Variants in UTY observed in about 807,000 individuals in gnomAD.
UTY encodes ubiquitously transcribed tetratricopeptide repeat containing, Y-linked, also known as histone demethylase UTY.
UTY carries 12 observed loss-of-function variants against 32.5 expected under a neutral mutation model. The ratio of observed to expected loss-of-function variants is 0.37; its 90% CI spans 0.24 to 0.60. The LOEUF (loss-of-function observed/expected upper bound fraction) is 0.60, where lower values mean the gene tolerates loss of function less well. Among genes scored for constraint, UTY ranks in the 20% least tolerant of loss-of-function variants. UTY has a pLI of 0.69. For synonymous variants in UTY, 131 were observed against 103.4 expected (o/e 1.27, Z -1.62); for missense variants, 303 against 299.2 (o/e 1.01, Z -0.09).
chrY:13,443,815 A>T (rs2075428164), intron 4 of UTY, among the ~76,000 whole-genome samples: 2 of 34,111 alleles, frequency 5.9e-5, no homozygotes, highest in African/African-American at 1.1e-4. Context: ...GCACCTCAAG[A>T]AACTAGAAAA....
intron 18 of UTY, among the ~76,000 whole-genome samples, chrY:13,328,692 G>T: frequency 6.2e-5 from 2 of 32,301 alleles, no homozygotes; most frequent in Admixed American, 2.8e-4. Flanking sequence ...ACCTTCACTA[G>T]CAAATTGGAA....
intron 27 of UTY, among the ~76,000 whole-genome samples, chrY:13,295,016 C>T: frequency 3.5e-5 from 1 of 28,252 alleles, no homozygotes; most frequent in Non-Finnish European, 8.4e-5. Flanking sequence ...GCCGAGATCC[C>T]GCCATTGCAC....
At chrY:13,387,001 T>C (rs2066918532) in intron 8 of UTY, among the ~76,000 whole-genome samples, 1 of 33,080 alleles carries the variant, frequency 3.0e-5, no homozygotes, top group South Asian at 6.7e-4. Flanking sequence ...TCCGTCAAAA[T>C]AAACTAACAA....
At chrY:13,389,705 T>C in intron 8 of UTY, among the ~76,000 whole-genome samples, 2 of 33,868 alleles carry the variant, frequency 5.9e-5, no homozygotes, top group African/African-American at 2.3e-4. Flanking sequence ...CCAGTCACTA[T>C]CTTACCATTT....
intron 6 of UTY, among the ~76,000 whole-genome samples, chrY:13,398,148 A>C (rs1010932733): frequency 1.2e-4 from 4 of 33,516 alleles, no homozygotes; most frequent in Non-Finnish European, 3.0e-4. Flanking sequence ...TCAGGGGAAA[A>C]ATCAATGTGG....
At chrY:13,466,909 AT>A (rs2077958484) in intron 3 of UTY, among the ~76,000 whole-genome samples, 1 of 34,241 alleles carries the variant, frequency 2.9e-5, no homozygotes, top group African/African-American at 1.1e-4. Context: ...AAAAAGACTA[AT>A]TCTTTTTATC....
chrY:13,423,133 A>G (rs2072805435), intron 4 of UTY, among the ~76,000 whole-genome samples: 1 of 33,164 alleles, frequency 3.0e-5, no homozygotes, highest in Non-Finnish European at 7.4e-5. Flanking sequence ...GTTGCCTTCT[A>G]TATGTTACAG....
At chrY:13,437,214 G>A (rs2074684535) in intron 4 of UTY, among the ~76,000 whole-genome samples, 4 of 32,734 alleles carry the variant, frequency 1.2e-4, no homozygotes, top group African/African-American at 4.8e-4. Flanking sequence ...AGGGCAGGGC[G>A]TCTTAGGTCC....
At chrY:13,267,156 C>T (rs771021509) in intron 27 of UTY, among the ~76,000 whole-genome samples, 11 of 33,077 alleles carry the variant, frequency 3.3e-4, no homozygotes, top group African/African-American at 1.3e-3. Context: ...GAATCTAAGT[C>T]TCTTTGTAGG....
intron 4 of UTY, among the ~76,000 whole-genome samples, chrY:13,436,712 C>T (rs2074586841): frequency 3.1e-5 from 1 of 32,262 alleles, no homozygotes; most frequent in Non-Finnish European, 7.6e-5. Flanking sequence ...ATTGGTTGGC[C>T]GCCAGAGGGC....
At position 13,376,134 on chromosome Y, in the gene UTY, A is replaced by G. The variant is rs754724390; in HGVS notation, c.646-6785T>C. On this transcript the variant is annotated intron_variant, in intron 8 of 29. Transcript: ENST00000545955. The stretch of plus-strand genomic sequence containing the variant: ...TCTTCATATATTTTCACCATTTTAA[A>G]TATTTTCTTATTATTACTACTGTTG... Among the ~76,000 whole-genome samples the G allele has an allele frequency of 1.8e-4, 6 of 32,923 alleles. No individual in the cohort carries two copies. The South Asian group carries it at 4.0e-3, about 22-fold the overall frequency. The allele number at this position is 32,923 out of a possible 37,273, so 88.3% of individuals were successfully genotyped here.
intron 21 of UTY, chrY:13,322,952 A>C: frequency 1.6e-5 from 1 of 61,302 alleles, no homozygotes; most frequent in Non-Finnish European, 2.7e-5. Flanking sequence ...CTGACCAGAT[A>C]ATTTTCTTCA....
At chrY:13,465,841 C>T (rs754681579) in intron 3 of UTY, among the ~76,000 whole-genome samples, 39 of 33,242 alleles carry the variant, frequency 1.2e-3, no homozygotes, top group African/African-American at 4.1e-3. Context: ...AAAGAACACA[C>T]CACCAGCTCT....
chrY:13,454,885 CAG>C (rs2076639483), intron 3 of UTY, among the ~76,000 whole-genome samples: 1 of 21,551 alleles, frequency 4.6e-5, no homozygotes. Flanking sequence ...TGCAGTGAGT[CAG>C]ATCACACCAC....
At chrY:13,240,980 C>CA (rs1164395052) in intron 28 of UTY, among the ~76,000 whole-genome samples, 112 of 13,039 alleles carry the variant, frequency 8.6e-3, no homozygotes, top group African/African-American at 0.027. Flanking sequence ...GACACTGTCT[C>CA]AAAAAAAAAA....
At chrY:13,331,695 T>A in intron 18 of UTY, among the ~76,000 whole-genome samples, 1 of 33,440 alleles carries the variant, frequency 3.0e-5, no homozygotes, top group African/African-American at 1.2e-4. Flanking sequence ...CTAACTAGAA[T>A]AACCAGTTTT....
Position 13,260,397 on chromosome Y carries a change from G to C in UTY, c.4018C>G (p.Leu1340Val). 2.6e-6 allele frequency: 1 copy of C among 391,295 alleles called. No homozygotes were observed. The highest frequency in any genetic ancestry group is 3.0e-5 in the South Asian group (1 of 32,973). Residue 1340 changes from leucine (L) to valine (V), a missense_variant, in exon 28 of 30, where the codon CTT becomes GTT. Physicochemically the swap from Leu to Val is conservative, Grantham distance 32. Transcript: ENST00000545955. ...TGATATTGCTTCAGAATTTTCAAAAGACAATACCTATTGTGGGAAAAAACT... is the reference window on the plus strand; with the variant it reads ...TGATATTGCTTCAGAATTTTCAAAACACAATACCTATTGTGGGAAAAAACT... ...PKLFEMIKYC[L>V]LKILKQYQTL...
intron 10 of UTY, among the ~76,000 whole-genome samples, chrY:13,361,546 G>A: frequency 3.1e-5 from 1 of 32,535 alleles, no homozygotes; most frequent in African/African-American, 1.2e-4. Flanking sequence ...TAGGGGTTGG[G>A]GGGGCAATTG....
At chrY:13,444,731 T>C (rs2075502511) in intron 4 of UTY, among the ~76,000 whole-genome samples, 1 of 33,702 alleles carries the variant, frequency 3.0e-5, no homozygotes, top group Non-Finnish European at 7.3e-5. Context: ...CCACTTTCAC[T>C]AAGGGACAGA....
Sources: allele counts gnomAD v4.1 joint callset (sites outside exome capture counted in the v4.1 genomes callset), GRCh38; gene constraint gnomAD v4.1.1; transcripts MANE v1.5; gene names NCBI Gene and HGNC (gene_info 2026-07-23, HGNC 2026-07-21).